The following PLPP4 variants were observed in gnomAD, a reference collection of about 807,000 sequenced individuals.
PLPP4 encodes phospholipid phosphatase 4.
A neutral mutation model predicts 32.2 loss-of-function variants in PLPP4; 20 were observed. The ratio of observed to expected loss-of-function variants is 0.62; its 90% CI spans 0.44 to 0.90. The LOEUF (loss-of-function observed/expected upper bound fraction) is 0.90. Among genes scored for constraint, PLPP4 ranks in the 40% least tolerant of loss-of-function variants. PLPP4 has a pLI of 0.00. For missense variants in PLPP4, 257 were observed against 353.1 expected, an observed-to-expected ratio of 0.73 and a Z score of 2.18; for synonymous variants, 127 against 133.0, an observed-to-expected ratio of 0.95 and a Z score of 0.31.
chr10:120,555,657 G>A (rs904545051), intron 5 of PLPP4, among the ~76,000 whole-genome samples: 1 of 152,188 alleles, frequency 6.6e-6, no homozygotes, highest in Non-Finnish European at 1.5e-5. Flanking sequence ...GGGTCTGCCT[G>A]GCGTAGTGCC....
At chr10:120,553,594 G>A (rs1328170530) in intron 5 of PLPP4, among the ~76,000 whole-genome samples, 4 of 152,218 alleles carry the variant, frequency 2.6e-5, no homozygotes, top group Non-Finnish European at 4.4e-5. Context: ...ATAGCACAAT[G>A]CAAATCACAC....
intron 1 of PLPP4, among the ~76,000 whole-genome samples, chr10:120,484,800 C>G (rs1844368797): frequency 6.6e-6 from 1 of 152,094 alleles, no homozygotes; most frequent in Non-Finnish European, 1.5e-5. Context: ...CTTACATGGC[C>G]AAGGGAATTA....
At chr10:120,516,466 A>G (rs921315889) in intron 3 of PLPP4, among the ~76,000 whole-genome samples, 2 of 151,888 alleles carry the variant, frequency 1.3e-5, no homozygotes, top group Admixed American at 6.6e-5. Context: ...TCAGGTCTGT[A>G]TAATAGAGAA....
intron 1 of PLPP4, among the ~76,000 whole-genome samples, chr10:120,479,508 G>A (rs138840927): frequency 5.9e-5 from 9 of 152,282 alleles, no homozygotes; most frequent in Non-Finnish European, 8.8e-5. Context: ...GATGCTGTCC[G>A]TTATTTATTG....
Position 120,545,044 on chromosome 10 carries a change from A to C in PLPP4, c.445+23949A>C, listed in dbSNP as rs373057198. 2.2e-4 allele frequency among the ~76,000 whole-genome samples: 33 copies of C among 152,304 alleles called. 1 individual carries two copies. The South Asian group carries it at 4.1e-3, about 19-fold the overall frequency. ...GGCGTCACTTCTGCTTTGAGAAGGC[A>C]TTGCTGATCAGAGTTCTGGCACCAT... On this transcript the variant is annotated intron_variant, in intron 5 of 6. Coordinates refer to ENST00000398250, the MANE Select transcript of PLPP4 (RefSeq NM_001030059.3).
intron 2 of PLPP4, among the ~76,000 whole-genome samples, chr10:120,508,156 A>G (rs1383970732): frequency 2.0e-5 from 3 of 152,200 alleles, no homozygotes; most frequent in Non-Finnish European, 4.4e-5. Flanking sequence ...GGATGCTTCT[A>G]AGGAAGGCAG....
chr10:120,526,255 G>A (rs960167863), intron 5 of PLPP4, among the ~76,000 whole-genome samples: 16 of 151,602 alleles, frequency 1.1e-4, no homozygotes, highest in East Asian at 5.8e-4. Context: ...CTCTTACCCC[G>A]CTTTGTTTGC....
intron 5 of PLPP4, among the ~76,000 whole-genome samples, chr10:120,569,375 ACT>A (rs1402317028): frequency 6.6e-6 from 1 of 151,948 alleles, no homozygotes; most frequent in African/African-American, 2.4e-5. Context: ...TCTTCCCACC[ACT>A]GTTCTTCCTC....
At chr10:120,492,410 C>A (rs1380001230) in intron 1 of PLPP4, among the ~76,000 whole-genome samples, 1 of 152,154 alleles carries the variant, frequency 6.6e-6, no homozygotes, top group Non-Finnish European at 1.5e-5. Context: ...CCCATAGCAG[C>A]CATGTTTGAA....
intron 2 of PLPP4, among the ~76,000 whole-genome samples, chr10:120,508,990 G>A (rs527832926): frequency 1.5e-4 from 23 of 152,202 alleles, no homozygotes; most frequent in Non-Finnish European, 3.2e-4. Context: ...GCTCCACAGT[G>A]GCCTACAAGG....
chr10:120,541,582 A>G (rs1847342374), intron 5 of PLPP4, among the ~76,000 whole-genome samples: 1 of 152,212 alleles, frequency 6.6e-6, no homozygotes, highest in South Asian at 2.1e-4. Flanking sequence ...GAGGGGGGAC[A>G]TATATTTACT....
chr10:120,565,315 G>GGT (rs58655566), intron 5 of PLPP4, among the ~76,000 whole-genome samples: 3,107 of 142,640 alleles, frequency 0.022, 45 homozygotes, highest in Non-Finnish European at 0.028. Context: ...TTGTTTGTGT[G>GGT]GTGTGTGTGT....
chr10:120,497,631 A>C (rs1845031739), intron 1 of PLPP4, among the ~76,000 whole-genome samples: 2 of 152,038 alleles, frequency 1.3e-5, no homozygotes, highest in Admixed American at 6.6e-5. Flanking sequence ...GCCCTGTCTT[A>C]TGGTGCTGAG....
intron 5 of PLPP4, among the ~76,000 whole-genome samples, chr10:120,557,190 A>G (rs1268852022): frequency 6.6e-6 from 1 of 152,222 alleles, no homozygotes; most frequent in East Asian, 1.9e-4. Flanking sequence ...TAGGAATGAA[A>G]TCTGACTTTT....
chr10:120,509,025 A>T (rs1845619425), intron 2 of PLPP4, among the ~76,000 whole-genome samples: 4 of 152,194 alleles, frequency 2.6e-5, no homozygotes, highest in Admixed American at 2.0e-4. Context: ...TTTGCCATTC[A>T]CTAGCTATGC....
intron 5 of PLPP4, among the ~76,000 whole-genome samples, chr10:120,550,509 G>C (rs1433422221): frequency 6.6e-6 from 1 of 151,876 alleles, no homozygotes; most frequent in Admixed American, 6.6e-5. Context: ...TTGAAGTACT[G>C]ACAGTACCCA....
intron 1 of PLPP4, among the ~76,000 whole-genome samples, chr10:120,503,110 C>T (rs1367859854): frequency 6.6e-6 from 1 of 152,230 alleles, no homozygotes; most frequent in African/African-American, 2.4e-5. Context: ...ATGGCCAGGG[C>T]CGCCATTTTG....
chr10:120,523,425 T>C (rs1273467187), intron 5 of PLPP4, among the ~76,000 whole-genome samples: 1 of 152,184 alleles, frequency 6.6e-6, no homozygotes, highest in Non-Finnish European at 1.5e-5. Flanking sequence ...TGCAGTCCCA[T>C]TTTAAGTGAG....
chr10:120,541,019 C>G (rs1392265057), intron 5 of PLPP4, among the ~76,000 whole-genome samples: 1 of 152,172 alleles, frequency 6.6e-6, no homozygotes, highest in Non-Finnish European at 1.5e-5. Context: ...AATTATTTTT[C>G]TGTATATTCG....
Sources: gnomAD v4.1 joint callset for allele counts (sites outside exome capture counted in the v4.1 genomes callset) on GRCh38, gnomAD v4.1.1 for gene constraint, MANE v1.5 for transcripts, NCBI Gene and HGNC (gene_info 2026-07-23, HGNC 2026-07-21) for gene names.